The following CT83 variants were observed in gnomAD, a reference collection of about 807,000 sequenced individuals.
CT83 encodes kita-kyushu lung cancer antigen 1.
In CT83, 3 loss-of-function variants were observed where a neutral mutation model predicts 1.7. That is an observed-to-expected ratio of 1.76 (90% CI 0.80 to 4.55). CT83 has a LOEUF of 4.55. CT83 is among the 30% of genes most tolerant of loss of function. The probability of loss-of-function intolerance (pLI) is 0.02; values close to 1 mark genes in which losing one functional copy is unlikely to be tolerated. For missense variants in CT83, 80 were observed against 84.8 expected, an observed-to-expected ratio of 0.94 and a Z score of 0.22; for synonymous variants, 35 against 33.0, an observed-to-expected ratio of 1.06 and a Z score of -0.20.
Position 116,461,858 on chromosome X carries a change from G to A in CT83, c.225C>T (p.Ala75=), listed in dbSNP as rs782221085. The change falls in exon 2 of 2, where the codon GCC becomes GCT. Residue 75 remains alanine (A), a synonymous_variant. Transcript: ENST00000371894. ...GGTTTACCAATATTCGCTTCTGCCTGGCTATTGAGTGTGGGAAATTATTTA... is the reference window on the plus strand; with the variant it reads ...GGTTTACCAATATTCGCTTCTGCCTAGCTATTGAGTGTGGGAAATTATTTA... The part of the protein sequence containing the change: ...DILNNFPHSI[A]RQKRILVNLS... 19 of 1,211,016 alleles carry A rather than the reference G, an allele frequency of 1.6e-5. No homozygotes were observed. In the South Asian group the frequency reaches 3.2e-4, roughly 20 times the overall value.
chrX:116,461,979 G>A lies in CT83; in HGVS notation c.104C>T (p.Ser35Leu). The A allele has an allele frequency of 8.3e-7, 1 of 1,209,589 alleles. No individual in the cohort carries two copies. Among genetic ancestry groups the A allele is most frequent in the Non-Finnish European group, 1.1e-6 (1 of 893,654 alleles). ...QRNTGEMSSN[S>L]TALALVRPSS... is the part of the protein sequence containing the mutation. Reference sequence around the variant, plus strand: ...GGGTCTCACTAGTGCAAGAGCAGTTGAATTTGATGACATTTCGCCAGTGTT... The same window carrying A: ...GGGTCTCACTAGTGCAAGAGCAGTTAAATTTGATGACATTTCGCCAGTGTT... Residue 35 changes from serine (S) to leucine (L), a missense_variant, in exon 2 of 2, where the codon TCA becomes TTA. Transcript: ENST00000371894.
At position 116,462,886 on chromosome X, in the gene CT83, G is replaced by A. The variant is rs782215562; in HGVS notation, c.-30C>T. ...CCTCTTCGGCCTCTTCTCCCTTCTC[G>A]GGACGGACCCCCTCAGCTGGTAGTT... On this transcript the variant is annotated 5_prime_UTR_variant, in exon 1 of 2. Transcript: ENST00000371894. 10 of 1,188,390 alleles carry A rather than the reference G, an allele frequency of 8.4e-6. No individual in the cohort carries two copies. The East Asian group carries it at 2.1e-4, about 25-fold the overall frequency.
In CT83 at chrX:116,462,825, A is replaced by G; in HGVS notation, c.32T>C (p.Ile11Thr). The part of the protein sequence containing the change: MNFYLLLASS[I>T]LCALIVFWKY... ...CCAGAAGACAATCAAGGCACACAGA[A>G]TGCTGCTCGCTAGGAGTAAATAGAA... Residue 11 changes from isoleucine to threonine, a missense_variant, in exon 1 of 2, where the codon ATT becomes ACT. By Grantham distance (89) the Ile-to-Thr change is moderately conservative. Coordinates refer to ENST00000371894, the MANE Select transcript of CT83 (RefSeq NM_001017978.4). The G allele has an allele frequency of 8.3e-7, 1 of 1,211,699 alleles. No individual in the cohort carries two copies. Among genetic ancestry groups the G allele is most frequent in the East Asian group, 3.0e-5 (1 of 33,833 alleles).
rs1556695214 is a variant in CT83, at chrX:116,461,853, T to C, written c.230A>G (p.Gln77Arg). ...ACTGAGGTTTACCAATATTCGCTTCTGCCTGGCTATTGAGTGTGGGAAATT... is the reference window on the plus strand; with the variant it reads ...ACTGAGGTTTACCAATATTCGCTTCCGCCTGGCTATTGAGTGTGGGAAATT... Reference protein sequence around the residue: ...LNNFPHSIARQKRILVNLSMV... With the variant: ...LNNFPHSIARRKRILVNLSMV... Residue 77 changes from glutamine to arginine, a missense_variant, in exon 2 of 2, where the codon CAG becomes CGG. By Grantham distance (43) the Gln-to-Arg change is conservative. Transcript: ENST00000371894. 1 of 1,209,293 alleles carries C rather than the reference T, an allele frequency of 8.3e-7. No individual in the cohort carries two copies. The highest frequency in any genetic ancestry group is 1.8e-5 in the African/African-American group (1 of 57,005).
At position 116,462,732 on chromosome X, in the gene CT83, A is replaced by G; in HGVS notation, c.75+50T>C. ...CTTACATATACACTCCCAAGTCCAT[A>G]TACTCATCTAGCTTCATCTAATTCA... On this transcript the variant is annotated intron_variant, in intron 1 of 1. Transcript: ENST00000371894. 3 of 1,122,888 alleles carry G rather than the reference A, an allele frequency of 2.7e-6. No individual in the cohort carries two copies. In the South Asian group the frequency reaches 5.5e-5, roughly 20 times the overall value. 92.5% of individuals were successfully genotyped at this position (1,122,888 alleles called of 1,213,427 possible). A position where few individuals can be genotyped will look rare whatever the true frequency, so the allele number is the denominator to read the frequency against.
Sources: gnomAD v4.1 joint callset for allele counts on GRCh38, gnomAD v4.1.1 for gene constraint, MANE v1.5 for transcripts, NCBI Gene and HGNC (gene_info 2026-07-23, HGNC 2026-07-21) for gene names.